LRRC9: variants seen among roughly 807,000 people sequenced by gnomAD.
LRRC9 encodes the protein leucine rich repeat containing 9.
In LRRC9, 122 loss-of-function variants were observed where a neutral mutation model predicts 63.2. The observed-to-expected ratio is 1.93, with a 90% CI of 1.67 to 2.24. The LOEUF is 2.24. Among genes scored for constraint, LRRC9 ranks in the 30% most tolerant of loss-of-function variants. The pLI, the probability that LRRC9 is intolerant of heterozygous loss-of-function variation, is 0.00. For synonymous variants in LRRC9, 366 were observed against 213.1 expected (o/e 1.72, Z -6.25); for missense variants, 1,071 against 627.7 (o/e 1.71, Z -7.55).
intron 12 of LRRC9, among the ~76,000 whole-genome samples, chr14:59,968,949 C>T (rs1421036126): frequency 6.9e-6 from 1 of 145,626 alleles, no homozygotes; most frequent in African/African-American, 2.5e-5. Flanking sequence ...AAAACAAGCA[C>T]CAGTTTTTAA....
rs1894071632 is a variant in LRRC9 at position 60,053,777 on chromosome 14, G to C, written c.4131+572G>C. 2 of 373,062 alleles carry C rather than the reference G, an allele frequency of 5.4e-6. No homozygotes were observed. The highest frequency in any genetic ancestry group is 7.5e-5 in the East Asian group (1 of 13,372). The allele number at this position is 373,062 out of a possible 1,614,324, so 23.1% of individuals were successfully genotyped here. On this transcript the variant is annotated intron_variant, in intron 30 of 31. Transcript: ENST00000445360. The surrounding 1 kb of genome is among the most constrained non-coding windows in gnomAD (Gnocchi z 4.8). ...ATTAAAAAGGGAAGAAATAATAAAAGCATGTCATTTGAAAATTCTGTCTTT... is the reference window on the plus strand; with the variant it reads ...ATTAAAAAGGGAAGAAATAATAAAACCATGTCATTTGAAAATTCTGTCTTT...
intron 27 of LRRC9, among the ~76,000 whole-genome samples, chr14:60,023,467 C>T (rs1276882629): frequency 6.6e-5 from 10 of 151,884 alleles, no homozygotes; most frequent in East Asian, 1.9e-4. Flanking sequence ...AGTCACAGGA[C>T]ATGACTGTGG....
At chr14:59,999,201 T>C in exon 19 of LRRC9, 3 of 701,384 alleles carry the variant, frequency 4.3e-6, no homozygotes, top group Middle Eastern at 4.6e-4. Flanking sequence ...GCTATGAAAT[T>C]TATTGCAGGA....
At chr14:59,967,025 G>A (rs1594892209) in intron 11 of LRRC9, 71 bp from the exon 12 acceptor site, 1 of 556,476 alleles carries the variant, frequency 1.8e-6, no homozygotes, top group African/African-American at 1.9e-5. Context: ...CAGGACATAT[G>A]GTTATCTTAT....
chr14:60,028,218 A>G (rs1891709181), intron 28 of LRRC9, 117 bp downstream of exon 28: 2 of 588,324 alleles, frequency 3.4e-6, no homozygotes, highest in East Asian at 5.6e-5. Flanking sequence ...TATCACCTAT[A>G]TACCATCTAT....
chr14:59,942,306 G>A lies in LRRC9; in HGVS notation c.727-2283G>A, dbSNP rs1245622178. 6.6e-6 allele frequency among the ~76,000 whole-genome samples: 1 copy of A among 152,086 alleles called. No individual in the cohort carries two copies. Among genetic ancestry groups the A allele is most frequent in the East Asian group, 1.9e-4 (1 of 5,200 alleles). ...TGTGAATAGTGCTGCAGTAAACGTG[G>A]GGGTGCAGGTATCCCTTTGATACAC... On this transcript the variant is annotated intron_variant, in intron 7 of 31. Coordinates refer to ENST00000445360, the Ensembl canonical transcript of LRRC9. The surrounding 1 kb of genome is among the most constrained non-coding windows in gnomAD (Gnocchi z 5.3).
chr14:60,022,847 AT>A lies in LRRC9; in HGVS notation c.3683del (p.Leu1228Ter). 1.5e-6 allele frequency: 1 copy of A among 677,690 alleles called. No homozygotes were observed. Among genetic ancestry groups the A allele is most frequent in the South Asian group, 1.6e-5 (1 of 62,806 alleles). 42.0% of individuals were successfully genotyped at this position (677,690 alleles called of 1,614,324 possible). On this transcript the variant is annotated frameshift_variant, in exon 27 of 32. Transcript: ENST00000445360. LOFTEE classifies it high-confidence loss of function. ...CAGCTACAACTTAACAGACTAAGAA[AT>A]TTAAAATTCCTCTTTCTACAGGGTG...
chr14:60,043,756 CT>C (rs368065898), intron 29 of LRRC9, among the ~76,000 whole-genome samples: 2,853 of 71,592 alleles, frequency 0.04, 14 homozygotes, highest in African/African-American at 0.069. Context: ...TTTTCTTTTC[CT>C]TTTTTTTTTT....
intron 29 of LRRC9, among the ~76,000 whole-genome samples, chr14:60,040,430 G>A (rs1259378390): frequency 1.3e-5 from 2 of 151,920 alleles, no homozygotes; most frequent in Non-Finnish European, 2.9e-5. Context: ...CTTGCTTTAT[G>A]AATCTGGGTG....
intron 7 of LRRC9, among the ~76,000 whole-genome samples, chr14:59,939,185 A>G (rs1881488976): frequency 6.6e-6 from 1 of 151,574 alleles, no homozygotes; most frequent in Admixed American, 6.6e-5. Context: ...ATTACATATC[A>G]AAATTAGAAA....
chr14:59,960,109 G>A lies in LRRC9; in HGVS notation c.1079+95G>A, dbSNP rs1355117569. Reference sequence around the variant, plus strand: ...TTGACCCTAGTTCCCTTCTTCAGGAGTATGAACAATTACAGTATGAAGTAA... The same window carrying A: ...TTGACCCTAGTTCCCTTCTTCAGGAATATGAACAATTACAGTATGAAGTAA... On this transcript the variant is annotated intron_variant, in intron 9 of 31. Coordinates refer to ENST00000445360, the Ensembl canonical transcript of LRRC9. 1.7e-5 allele frequency: 9 copies of A among 534,106 alleles called. No homozygotes were observed. The Admixed American group carries it at 2.1e-4, about 13-fold the overall frequency. The allele number at this position is 534,106 out of a possible 1,614,324, so 33.1% of individuals were successfully genotyped here.
intron 8 of LRRC9, among the ~76,000 whole-genome samples, chr14:59,953,800 C>T (rs1388327679): frequency 6.6e-6 from 1 of 152,118 alleles, no homozygotes; most frequent in East Asian, 1.9e-4. Context: ...TTGGGTTTTA[C>T]ATTTAAGTCT....
intron 7 of LRRC9, among the ~76,000 whole-genome samples, chr14:59,943,019 G>GT (rs58117451): frequency 1.3e-5 from 2 of 151,544 alleles, no homozygotes. Context: ...TTTGTATTTT[G>GT]TTTTTTTGCT....
rs1047318068 is a variant in LRRC9 at position 60,042,685 on chromosome 14, C to G, written c.3991-10380C>G. On this transcript the variant is annotated intron_variant, in intron 29 of 31. Transcript: ENST00000445360. This position sits in a 1 kb window ranked among gnomAD's most constrained non-coding sequence, Gnocchi z 4.2. ...TGGCTAGGAAAGGGAATTTCCCCAC[C>G]CTTTGCACTTCCCGGGTGAGGCAAT... Among the ~76,000 whole-genome samples, 1 of 152,166 alleles carries G rather than the reference C, an allele frequency of 6.6e-6. No individual in the cohort carries two copies. The highest frequency in any genetic ancestry group is 2.4e-5 in the African/African-American group (1 of 41,438).
intron 12 of LRRC9, among the ~76,000 whole-genome samples, chr14:59,970,459 G>A (rs1299086331): frequency 1.3e-5 from 2 of 152,148 alleles, no homozygotes; most frequent in South Asian, 2.1e-4. Flanking sequence ...AAATGGGATT[G>A]CTGGGTCAAA....
rs1368633318 is a variant in LRRC9, at chr14:60,028,762, T to G, written c.3921+661T>G. Among the ~76,000 whole-genome samples the G allele has an allele frequency of 2.6e-5, 4 of 152,088 alleles. No homozygotes were observed. The East Asian group carries it at 7.7e-4, about 29-fold the overall frequency. On this transcript the variant is annotated intron_variant, in intron 28 of 31. Coordinates refer to ENST00000445360, the Ensembl canonical transcript of LRRC9. The stretch of plus-strand genomic sequence containing the variant: ...CAACTTTTCTACTTCTGCCAATACC[T>G]CTAAGATAGCCTCAAAGACAGACTG...
rs1883988508 is a variant in LRRC9, at chr14:59,958,243, C to T, written c.883-1575C>T. Among the ~76,000 whole-genome samples the T allele has an allele frequency of 6.6e-6, 1 of 152,218 alleles. No homozygotes were observed. Among genetic ancestry groups the T allele is most frequent in the African/African-American group, 2.4e-5 (1 of 41,466 alleles). ...ATTAAATCTGCTGCAGCTGTGCCCA[C>T]AGCCACCCCTTCCACCAGGTGCTCT... On this transcript the variant is annotated intron_variant, in intron 8 of 31. Coordinates refer to ENST00000445360, the Ensembl canonical transcript of LRRC9. The surrounding 1 kb of genome is among the most constrained non-coding windows in gnomAD (Gnocchi z 4.0).
chr14:60,054,501 A>C (rs1894129085), intron 30 of LRRC9, among the ~76,000 whole-genome samples: 1 of 152,298 alleles, frequency 6.6e-6, no homozygotes, highest in East Asian at 1.9e-4. Context: ...CATGTAAGGA[A>C]ATTATTTTTA....
At chr14:60,059,435 T>C (rs532416019) in intron 31 of LRRC9, among the ~76,000 whole-genome samples, 2 of 152,324 alleles carry the variant, frequency 1.3e-5, no homozygotes, top group South Asian at 4.1e-4. Flanking sequence ...TGATTAAGCT[T>C]AGTGAGGAAG....
Sources: gnomAD v4.1 joint callset for allele counts (sites outside exome capture counted in the v4.1 genomes callset) on GRCh38, gnomAD v4.1.1 for gene constraint, Gnocchi (gnomAD v3.1) non-coding constraint, MANE v1.5 for transcripts, NCBI Gene and HGNC (gene_info 2026-07-23, HGNC 2026-07-21) for gene names.